NIN: variants seen among roughly 807,000 people sequenced by gnomAD.
The protein encoded by NIN is glycogen synthase kinase 3 beta-interacting protein.
In NIN, 137 loss-of-function variants were observed where a neutral mutation model predicts 257.6. The ratio of observed to expected loss-of-function variants is 0.53; its 90% CI spans 0.46 to 0.61. NIN has a LOEUF of 0.61. Ranked by LOEUF, NIN falls within the 20% of genes least tolerant of loss-of-function variation. The pLI, the probability that NIN is intolerant of heterozygous loss-of-function variation, is 0.00. For missense variants in NIN, 2,439 were observed against 2,501.2 expected, an observed-to-expected ratio of 0.98 and a Z score of 0.53; for synonymous variants, 918 against 919.8, an observed-to-expected ratio of 1.00 and a Z score of 0.04.
At chr14:50,825,277 G>C (rs984276997) in intron 2 of NIN, among the ~76,000 whole-genome samples, 1 of 152,222 alleles carries the variant, frequency 6.6e-6, no homozygotes, top group African/African-American at 2.4e-5. Context: ...AAATGCTATA[G>C]AACAGACTGA....
chr14:50,744,756 T>C (rs950517568), intron 22 of NIN, among the ~76,000 whole-genome samples: 14 of 152,226 alleles, frequency 9.2e-5, no homozygotes, highest in African/African-American at 2.9e-4. Flanking sequence ...CTGGTGAACA[T>C]GGTGAAACCC....
At chr14:50,789,726 C>G (rs1425292585) in intron 5 of NIN, among the ~76,000 whole-genome samples, 1 of 152,204 alleles carries the variant, frequency 6.6e-6, no homozygotes, top group Non-Finnish European at 1.5e-5. Flanking sequence ...CAGGCAAGAT[C>G]ACTGGGTCTC....
intron 28 of NIN, 115 bp downstream of exon 28, chr14:50,735,401 T>C (rs1218940073): frequency 1.5e-5 from 21 of 1,391,100 alleles, no homozygotes; most frequent in Non-Finnish European, 1.9e-5. Context: ...AACTTGGCAG[T>C]GTACTTAGAT....
At chr14:50,821,209 A>G (rs2045201964) in intron 3 of NIN, among the ~76,000 whole-genome samples, 1 of 152,232 alleles carries the variant, frequency 6.6e-6, no homozygotes, top group Non-Finnish European at 1.5e-5. Flanking sequence ...ATCTCAGGTC[A>G]TGGCAGATCA....
intron 23 of NIN, 65 bp from the exon 24 acceptor site, chr14:50,743,594 A>G: frequency 1.1e-6 from 1 of 891,002 alleles, no homozygotes; most frequent in Non-Finnish European, 1.9e-6. Flanking sequence ...CTTAATTTAT[A>G]TGCCTGCACT....
chr14:50,761,587 G>A (rs969449902), intron 16 of NIN, among the ~76,000 whole-genome samples: 1 of 152,178 alleles, frequency 6.6e-6, no homozygotes, highest in Non-Finnish European at 1.5e-5. Flanking sequence ...TTCCATGATT[G>A]CCAGGGCTGA....
chr14:50,732,244 G>C (rs1207240317), intron 28 of NIN, among the ~76,000 whole-genome samples: 3 of 152,178 alleles, frequency 2.0e-5, no homozygotes, highest in African/African-American at 7.2e-5. Context: ...CATGAAGACA[G>C]CTGTGCTCAA....
intron 8 of NIN, 88 bp from the exon 9 acceptor site, chr14:50,772,556 A>G: frequency 8.5e-7 from 1 of 1,179,776 alleles, no homozygotes. Flanking sequence ...GATGGGTAGA[A>G]GGCATGTTTC....
chr14:50,819,674 GAGAC>G (rs1555394618), intron 3 of NIN, among the ~76,000 whole-genome samples: 40 of 152,338 alleles, frequency 2.6e-4, no homozygotes, highest in Non-Finnish European at 1.0e-4. Context: ...CCCATGCCAT[GAGAC>G]TACAGGAATG....
At chr14:50,825,040 C>T (rs1489939209) in intron 2 of NIN, among the ~76,000 whole-genome samples, 1 of 152,202 alleles carries the variant, frequency 6.6e-6, no homozygotes, top group Non-Finnish European at 1.5e-5. Context: ...TTTCTCAAGT[C>T]CCCTCGATTA....
chr14:50,741,498 A>G, intron 25 of NIN, 84 bp downstream of exon 25: 1 of 1,013,626 alleles, frequency 9.9e-7, no homozygotes, highest in Non-Finnish European at 1.4e-6. Flanking sequence ...ACATACATAT[A>G]CACATAAAAA....
intron 20 of NIN, 40 bp from the exon 21 acceptor site, chr14:50,752,773 T>G: frequency 9.6e-7 from 1 of 1,046,198 alleles, no homozygotes; most frequent in Non-Finnish European, 1.4e-6. Flanking sequence ...CTTGTTACCC[T>G]ACTTGTGCTA....
intron 2 of NIN, among the ~76,000 whole-genome samples, chr14:50,828,619 G>A (rs958141611): frequency 2.6e-5 from 4 of 152,148 alleles, no homozygotes; most frequent in Non-Finnish European, 2.9e-5. Context: ...AAAATGCTCT[G>A]GCTAAGCTTG....
chr14:50,816,317 T>C (rs1389889311), intron 3 of NIN, among the ~76,000 whole-genome samples: 1 of 152,124 alleles, frequency 6.6e-6, no homozygotes, highest in Non-Finnish European at 1.5e-5. Flanking sequence ...CACATTTACC[T>C]TTGTAACAAA....
chr14:50,759,008 T>C lies in NIN; in HGVS notation c.2400-378A>G, dbSNP rs1003010109. Among the ~76,000 whole-genome samples, 11 of 152,248 alleles carry C rather than the reference T, an allele frequency of 7.2e-5. No homozygotes were observed. In the East Asian group the frequency reaches 1.2e-3, roughly 16 times the overall value. ...ACCATTCCTTCATTTTAATTAAGCA[T>C]GCGTTATAGGATATCAGTCACATAA... On this transcript the variant is annotated intron_variant, in intron 17 of 30. Transcript: ENST00000530997.
chr14:50,762,187 C>A (rs545144288), intron 15 of NIN, among the ~76,000 whole-genome samples: 5 of 152,054 alleles, frequency 3.3e-5, no homozygotes, highest in Non-Finnish European at 7.4e-5. Flanking sequence ...GGTGGTGGGG[C>A]GGCGGGGGTG....
intron 29 of NIN, chr14:50,726,432 G>A (rs972341031): frequency 2.0e-5 from 4 of 198,774 alleles, no homozygotes; most frequent in Non-Finnish European, 2.1e-5. Context: ...CTGGGTCTCT[G>A]CAATGTTATG....
intron 4 of NIN, 146 bp from the exon 5 acceptor site, chr14:50,793,027 G>A: frequency 1.4e-6 from 1 of 740,230 alleles, no homozygotes. Context: ...GGGTGTATAT[G>A]AGCCATCAGG....
chr14:50,810,811 C>A (rs1286578672), intron 3 of NIN, among the ~76,000 whole-genome samples: 1 of 152,036 alleles, frequency 6.6e-6, no homozygotes. Context: ...CAGGCGCCCA[C>A]CACCATGCCT....
Sources: gnomAD v4.1 joint callset for allele counts (sites outside exome capture counted in the v4.1 genomes callset) on GRCh38, gnomAD v4.1.1 for gene constraint, MANE v1.5 for transcripts, NCBI Gene and HGNC (gene_info 2026-07-23, HGNC 2026-07-21) for gene names.